Variants in GSDME observed in about 807,000 individuals in gnomAD.
GSDME encodes the protein gasdermin-E.
GSDME carries 44 observed loss-of-function variants against 47.5 expected under a neutral mutation model. The ratio of observed to expected loss-of-function variants is 0.93; its 90% CI spans 0.73 to 1.19. GSDME has a LOEUF of 1.19. Among genes scored for constraint, GSDME ranks in the 50% most tolerant of loss-of-function variants. The pLI, the probability that GSDME is intolerant of heterozygous loss-of-function variation, is 0.00. For missense variants in GSDME, 663 were observed against 604.2 expected (o/e 1.10, Z -1.02); for synonymous variants, 258 against 252.8 (o/e 1.02, Z -0.20).
chr7:24,755,659 A>C (rs1350043067), intron 1 of GSDME, among the ~76,000 whole-genome samples: 1 of 152,206 alleles, frequency 6.6e-6, no homozygotes, highest in Non-Finnish European at 1.5e-5. Flanking sequence ...ATCAGTGCTG[A>C]GCCAAGATTC....
rs991407394 is a variant in GSDME, at chr7:24,745,331, G to C, written c.212-577C>G. Among the ~76,000 whole-genome samples, 3 of 152,054 alleles carry C rather than the reference G, an allele frequency of 2.0e-5. No individual in the cohort carries two copies. The highest frequency in any genetic ancestry group is 6.5e-5 in the Admixed American group (1 of 15,280). On this transcript the variant is annotated intron_variant, in intron 2 of 9. Transcript: ENST00000645220. The surrounding 1 kb of genome is among the most constrained non-coding windows in gnomAD (Gnocchi z 4.4). ...TCCTTGGCCACCTAGGCCTGTCTGG[G>C]GGCATCTTGTCTACCCACCCACCAG...
At chr7:24,790,191 T>C in the GSDME span, among the ~76,000 whole-genome samples, 4 of 152,250 alleles carry the variant, frequency 2.6e-5, no homozygotes, top group African/African-American at 9.6e-5. The surrounding 1 kb of genome is among the most constrained non-coding windows in gnomAD (Gnocchi z 4.1). Flanking sequence ...ATAGATAGCA[T>C]TTCTCATCTG....
chr7:24,792,773 G>T, the GSDME span, among the ~76,000 whole-genome samples: 14 of 144,902 alleles, frequency 9.7e-5, no homozygotes, highest in African/African-American at 3.1e-4. Flanking sequence ...GCAGCGCAAG[G>T]TAGGGTCCTT....
At chr7:24,722,608 T>C (rs1468830461) in intron 3 of GSDME, among the ~76,000 whole-genome samples, 1 of 152,216 alleles carries the variant, frequency 6.6e-6, no homozygotes, top group Non-Finnish European at 1.5e-5. Flanking sequence ...AGGAGTCTGA[T>C]GTGACTCTGC....
At chr7:24,706,897 G>A (rs1408731436) in intron 7 of GSDME, among the ~76,000 whole-genome samples, 1 of 152,214 alleles carries the variant, frequency 6.6e-6, no homozygotes, top group Non-Finnish European at 1.5e-5. Context: ...CCGATCATCT[G>A]AAAGCTTGAC....
intron 3 of GSDME, among the ~76,000 whole-genome samples, chr7:24,719,458 T>C (rs1789694918): frequency 6.6e-6 from 1 of 152,110 alleles, no homozygotes; most frequent in African/African-American, 2.4e-5. Context: ...GAAGGGGGCT[T>C]TCAGTCAAAC....
At chr7:24,706,096 A>G in intron 8 of GSDME, 88 bp downstream of exon 8, 1 of 1,488,664 alleles carries the variant, frequency 6.7e-7, no homozygotes, top group Non-Finnish European at 9.3e-7. Context: ...TTCCACAGTT[A>G]CCACCTCTGT....
intron 9 of GSDME, chr7:24,702,359 T>TC: frequency 2.9e-6 from 1 of 350,438 alleles, no homozygotes; most frequent in Non-Finnish European, 5.6e-6. Flanking sequence ...CCTGGATACC[T>TC]CCCTGGCAAA....
At chr7:24,765,330 T>G in the GSDME span, among the ~76,000 whole-genome samples, 2 of 152,232 alleles carry the variant, frequency 1.3e-5, no homozygotes, top group African/African-American at 4.8e-5. Flanking sequence ...TATGAAATTA[T>G]TCCACAACTT....
rs936972930 is a variant in GSDME at position 24,721,832 on chromosome 7, C to T, written c.405-2614G>A. Among the ~76,000 whole-genome samples the T allele has an allele frequency of 6.6e-6, 1 of 152,166 alleles. No individual in the cohort carries two copies. The highest frequency in any genetic ancestry group is 1.5e-5 in the Non-Finnish European group (1 of 68,022). ...GAGGCCCCATGTGATCTGCCCTGCC[C>T]CCTGTTGACTTTATCTTCCAGCCTT... On this transcript the variant is annotated intron_variant, in intron 3 of 9. Transcript: ENST00000645220. The surrounding 1 kb of genome is among the most constrained non-coding windows in gnomAD (Gnocchi z 4.1).
rs1789917405 is a variant in GSDME, at chr7:24,724,937, ACT to A, written c.405-5721_405-5720del. Among the ~76,000 whole-genome samples, 1 of 150,946 alleles carries A rather than the reference ACT, an allele frequency of 6.6e-6. No homozygotes were observed. The highest frequency in any genetic ancestry group is 2.4e-5 in the African/African-American group (1 of 41,008). ...TTAAGAGTGTGGTACCTTCCCCCTCACTCTCTCTTGTTCCTCTTTCTTGCTCC... is the reference window on the plus strand; with the variant it reads ...TTAAGAGTGTGGTACCTTCCCCCTCACTCTCTTGTTCCTCTTTCTTGCTCC... On this transcript the variant is annotated intron_variant, in intron 3 of 9. Coordinates refer to ENST00000645220, the MANE Select transcript of GSDME (RefSeq NM_001127453.2). This position sits in a 1 kb window ranked among gnomAD's most constrained non-coding sequence, Gnocchi z 4.8.
intron 5 of GSDME, among the ~76,000 whole-genome samples, chr7:24,715,733 A>G (rs566578929): frequency 6.6e-6 from 1 of 152,252 alleles, no homozygotes; most frequent in South Asian, 2.1e-4. Context: ...AGAGGACACA[A>G]ATTTGGAACT....
chr7:24,781,093 A>G, the GSDME span, among the ~76,000 whole-genome samples: 1 of 152,176 alleles, frequency 6.6e-6, no homozygotes, highest in African/African-American at 2.4e-5. Flanking sequence ...CATCTTTCTC[A>G]GATGTACTGA....
In GSDME at chr7:24,754,466, C is replaced by A. The variant is rs1412367007; in HGVS notation, c.-20+2930G>T. ...TGCCATTGCACTCCAGCCTGGGCAA[C>A]AAGAGCGAAACTTTGTCTCAAAAAA... is the stretch of plus-strand genomic sequence containing the variant. On this transcript the variant is annotated intron_variant, in intron 1 of 9. Coordinates refer to ENST00000645220, the MANE Select transcript of GSDME (RefSeq NM_001127453.2). The surrounding 1 kb of genome is among the most constrained non-coding windows in gnomAD (Gnocchi z 5.0). Among the ~76,000 whole-genome samples, 1 of 140,966 alleles carries A rather than the reference C, an allele frequency of 7.1e-6. No homozygotes were observed. The highest frequency in any genetic ancestry group is 2.7e-5 in the African/African-American group (1 of 36,372). The allele number at this position is 140,966 out of a possible 152,430, so 92.5% of individuals were successfully genotyped here. A position where few individuals can be genotyped will look rare whatever the true frequency, so the allele number is the denominator to read the frequency against.
intron 4 of GSDME, among the ~76,000 whole-genome samples, chr7:24,718,681 T>C (rs1789659869): frequency 6.6e-6 from 1 of 152,124 alleles, no homozygotes; most frequent in South Asian, 2.1e-4. Context: ...AATGAACATA[T>C]CCCGGGACGG....
rs1275331392 is a variant in GSDME, at chr7:24,735,456, T to C, written c.404+9106A>G. ...GCAGAAAGACAAAAAGATGAACCAATTAAAAATAGTAACTACAGGGCCGGG... is the reference window on the plus strand; with the variant it reads ...GCAGAAAGACAAAAAGATGAACCAACTAAAAATAGTAACTACAGGGCCGGG... On this transcript the variant is annotated intron_variant, in intron 3 of 9. Coordinates refer to ENST00000645220, the MANE Select transcript of GSDME (RefSeq NM_001127453.2). The surrounding 1 kb of genome is among the most constrained non-coding windows in gnomAD (Gnocchi z 4.4). Among the ~76,000 whole-genome samples, 3 of 151,990 alleles carry C rather than the reference T, an allele frequency of 2.0e-5. No individual in the cohort carries two copies. Among genetic ancestry groups the C allele is most frequent in the African/African-American group, 4.8e-5 (2 of 41,362 alleles).
At chr7:24,718,229 C>T (rs1265370340) in intron 4 of GSDME, among the ~76,000 whole-genome samples, 1 of 152,244 alleles carries the variant, frequency 6.6e-6, no homozygotes, top group Non-Finnish European at 1.5e-5. Flanking sequence ...CCTCCAGCTC[C>T]TTCCAAATAC....
chr7:24,710,317 G>T lies in GSDME; in HGVS notation c.769C>A (p.Pro257Thr), dbSNP rs775913145. 3 of 1,614,204 alleles carry T rather than the reference G, an allele frequency of 1.9e-6. No individual in the cohort carries two copies. Among genetic ancestry groups the T allele is most frequent in the Middle Eastern group, 1.7e-4 (1 of 6,058 alleles). Reference sequence around the variant, plus strand: ...AATGCAAACTCTCGAAAGACCAGGGGGTCCAGGTAGACAGAGTCAATTCTC... The same window carrying T: ...AATGCAAACTCTCGAAAGACCAGGGTGTCCAGGTAGACAGAGTCAATTCTC... Reference protein sequence around the residue: ...KKRIDSVYLDPLVFREFAFID... With the variant: ...KKRIDSVYLDTLVFREFAFID... The change falls in exon 6 of 10, where the codon CCC (proline) becomes ACC (threonine). Residue 257 changes from proline (P) to threonine (T), a missense_variant. Physicochemically the swap from Pro to Thr is conservative, Grantham distance 38. Coordinates refer to ENST00000645220, the MANE Select transcript of GSDME (RefSeq NM_001127453.2).
At chr7:24,778,235 G>T in the GSDME span, among the ~76,000 whole-genome samples, 15 of 151,832 alleles carry the variant, frequency 9.9e-5, no homozygotes, top group South Asian at 2.7e-3. The surrounding 1 kb of genome is among the most constrained non-coding windows in gnomAD (Gnocchi z 5.6). Context: ...TAGCAATCAG[G>T]TCTCAGCCTT....
Sources: allele counts gnomAD v4.1 joint callset (sites outside exome capture counted in the v4.1 genomes callset), GRCh38; gene constraint gnomAD v4.1.1; non-coding constraint Gnocchi (gnomAD v3.1); transcripts MANE v1.5; gene names NCBI Gene and HGNC (gene_info 2026-07-23, HGNC 2026-07-21).